The following ATP6V0D2 variants were observed in gnomAD, a reference collection of about 807,000 sequenced individuals.
The protein encoded by ATP6V0D2 is ATPase H+ transporting V0 subunit d2.
Under a neutral mutation model 40.0 loss-of-function variants are expected in ATP6V0D2, and 40 were observed. The ratio of observed to expected loss-of-function variants is 1.00; its 90% CI spans 0.78 to 1.30. ATP6V0D2 has a LOEUF of 1.30. Among genes scored for constraint, ATP6V0D2 ranks in the 50% most tolerant of loss-of-function variants. ATP6V0D2 has a pLI of 0.00. For missense variants in ATP6V0D2, 470 were observed against 423.1 expected, an observed-to-expected ratio of 1.11 and a Z score of -0.97; for synonymous variants, 179 against 156.3, an observed-to-expected ratio of 1.15 and a Z score of -1.08.
chr8:86,119,426 G>T (rs1230488220), intron 2 of ATP6V0D2, among the ~76,000 whole-genome samples: 1 of 151,644 alleles, frequency 6.6e-6, no homozygotes, highest in African/African-American at 2.4e-5. Context: ...ATGAGGTTTC[G>T]CCATGTTAGC....
At chr8:86,128,393 A>G (rs1317952482) in intron 2 of ATP6V0D2, among the ~76,000 whole-genome samples, 1 of 152,190 alleles carries the variant, frequency 6.6e-6, no homozygotes, top group Admixed American at 6.5e-5. Context: ...AAAGGGATGT[A>G]GCTCCTGTGA....
chr8:86,144,215 T>A (rs1403348947), intron 5 of ATP6V0D2, among the ~76,000 whole-genome samples: 2 of 152,194 alleles, frequency 1.3e-5, no homozygotes, highest in Non-Finnish European at 2.9e-5. Flanking sequence ...AGGGCAGAGA[T>A]CAGAAGGATT....
At chr8:86,142,573 C>G (rs929537563) in intron 4 of ATP6V0D2, among the ~76,000 whole-genome samples, 2 of 152,186 alleles carry the variant, frequency 1.3e-5, no homozygotes, top group Non-Finnish European at 2.9e-5. Flanking sequence ...AAGAACTTGG[C>G]ACTCTTGTTA....
intron 2 of ATP6V0D2, among the ~76,000 whole-genome samples, chr8:86,129,228 G>T (rs759482123): frequency 6.6e-6 from 1 of 152,184 alleles, no homozygotes; most frequent in Non-Finnish European, 1.5e-5. Flanking sequence ...CTTAAATCAG[G>T]TTTATCTGTT....
intron 1 of ATP6V0D2, among the ~76,000 whole-genome samples, chr8:86,102,443 T>C (rs114277997): frequency 3.5e-4 from 53 of 152,350 alleles, no homozygotes; most frequent in African/African-American, 1.2e-3. Context: ...GCCATTCCAA[T>C]ACTATATGTT....
Position 86,124,681 on chromosome 8 carries a change from G to A in ATP6V0D2, c.302+10801G>A, listed in dbSNP as rs137942594. ...AGGGATCGTAATTATATACAATATA[G>A]AGTTGTGAGTTTAATTTAAAAACAG... On this transcript the variant is annotated intron_variant, in intron 2 of 7. Coordinates refer to ENST00000285393, the MANE Select transcript of ATP6V0D2 (RefSeq NM_152565.1). 5.3e-5 allele frequency among the ~76,000 whole-genome samples: 8 copies of A among 152,218 alleles called. No individual in the cohort carries two copies. The East Asian group carries it at 1.4e-3, about 26-fold the overall frequency.
In ATP6V0D2 at chr8:86,108,358, T is replaced by G. The variant is rs148579917; in HGVS notation, c.131-5351T>G. ...GGTTTTGCCATGTTGCCCAGTCTAG[T>G]CTGAAACTCCTGGCCTCAAGCAATC... On this transcript the variant is annotated intron_variant, in intron 1 of 7. Coordinates refer to ENST00000285393, the MANE Select transcript of ATP6V0D2 (RefSeq NM_152565.1). Among the ~76,000 whole-genome samples, 124 of 152,212 alleles carry G rather than the reference T, an allele frequency of 8.1e-4. 1 individual carries two copies. The highest frequency in any genetic ancestry group is 2.9e-3 in the African/African-American group (122 of 41,528).
At chr8:86,104,607 G>A (rs1015972267) in intron 1 of ATP6V0D2, among the ~76,000 whole-genome samples, 3 of 152,094 alleles carry the variant, frequency 2.0e-5, no homozygotes, top group South Asian at 2.1e-4. Flanking sequence ...TAGAGGTTAC[G>A]TGAAGCTAGG....
At chr8:86,128,429 G>A (rs1410482993) in intron 2 of ATP6V0D2, among the ~76,000 whole-genome samples, 1 of 152,236 alleles carries the variant, frequency 6.6e-6, no homozygotes, top group Non-Finnish European at 1.5e-5. Context: ...GTCACAATGT[G>A]TGTACACAGT....
At chr8:86,104,729 G>C (rs1341641795) in intron 1 of ATP6V0D2, among the ~76,000 whole-genome samples, 1 of 151,908 alleles carries the variant, frequency 6.6e-6, no homozygotes, top group Non-Finnish European at 1.5e-5. Flanking sequence ...CATATGGGAG[G>C]ATGACTGATT....
At chr8:86,125,180 C>A (rs1818723299) in intron 2 of ATP6V0D2, among the ~76,000 whole-genome samples, 1 of 152,124 alleles carries the variant, frequency 6.6e-6, no homozygotes, top group Non-Finnish European at 1.5e-5. Flanking sequence ...TGTGAAAGAG[C>A]TTAGGATGCC....
intron 1 of ATP6V0D2, among the ~76,000 whole-genome samples, chr8:86,099,482 A>G (rs1328779563): frequency 6.6e-6 from 1 of 152,020 alleles, no homozygotes; most frequent in African/African-American, 2.4e-5. Flanking sequence ...AAGATACCAC[A>G]CTCATCCTTT....
chr8:86,146,336 G>T (rs2721249), intron 5 of ATP6V0D2, among the ~76,000 whole-genome samples: 132,659 of 152,120 alleles, frequency 0.87, 58,114 homozygotes, highest in African/African-American at 0.94. Context: ...GTGTTCTCAT[G>T]GTACTTTTCC....
At chr8:86,105,616 C>CTTTTTTTTTTTTTTTTTT (rs1401385712) in intron 1 of ATP6V0D2, among the ~76,000 whole-genome samples, 1 of 131,170 alleles carries the variant, frequency 7.6e-6, no homozygotes, top group Non-Finnish European at 1.6e-5. Context: ...CTTCTTTTTT[C>CTTTTTTTTTTTTTTTTTT]TTTTCTTTTT....
intron 2 of ATP6V0D2, among the ~76,000 whole-genome samples, chr8:86,116,710 C>A (rs1016177724): frequency 6.6e-5 from 10 of 152,032 alleles, no homozygotes; most frequent in Admixed American, 1.3e-4. Flanking sequence ...TATTTCTATG[C>A]AGGTCTTGAA....
chr8:86,126,692 C>T (rs1178241558), intron 2 of ATP6V0D2, among the ~76,000 whole-genome samples: 1 of 152,092 alleles, frequency 6.6e-6, no homozygotes, highest in Non-Finnish European at 1.5e-5. Flanking sequence ...AAAGATATCA[C>T]CTCTAGCTGG....
chr8:86,137,827 T>C (rs1181097899), intron 2 of ATP6V0D2, among the ~76,000 whole-genome samples: 1 of 152,180 alleles, frequency 6.6e-6, no homozygotes, highest in African/African-American at 2.4e-5. Context: ...TGTGTCATCA[T>C]GGGTTGTATT....
chr8:86,116,922 T>TA (rs941504072), intron 2 of ATP6V0D2, among the ~76,000 whole-genome samples: 1 of 152,264 alleles, frequency 6.6e-6, no homozygotes, highest in Admixed American at 6.5e-5. Context: ...TCCAATAGGT[T>TA]AAAAAAATAG....
chr8:86,099,550 G>C (rs1160118767), intron 1 of ATP6V0D2, among the ~76,000 whole-genome samples: 1 of 152,100 alleles, frequency 6.6e-6, no homozygotes, highest in Non-Finnish European at 1.5e-5. Context: ...CTGAAGTATA[G>C]TGGCGTGATC....
Sources: gnomAD v4.1 joint callset for allele counts (sites outside exome capture counted in the v4.1 genomes callset) on GRCh38, gnomAD v4.1.1 for gene constraint, MANE v1.5 for transcripts, NCBI Gene and HGNC (gene_info 2026-07-23, HGNC 2026-07-21) for gene names.